Variants in IGFBP6 observed in about 807,000 individuals in gnomAD.
IGFBP6 encodes insulin like growth factor binding protein 6.
In IGFBP6, 24 loss-of-function variants were observed where a neutral mutation model predicts 24.5. The ratio of observed to expected loss-of-function variants is 0.98; its 90% CI spans 0.71 to 1.38. The LOEUF (loss-of-function observed/expected upper bound fraction) is 1.38. Among genes scored for constraint, IGFBP6 ranks in the 40% most tolerant of loss-of-function variants. The pLI, the probability that IGFBP6 is intolerant of heterozygous loss-of-function variation, is 0.00. For missense variants in IGFBP6, 331 were observed against 324.8 expected (o/e 1.02, Z -0.15); for synonymous variants, 147 against 137.4 (o/e 1.07, Z -0.49).
In IGFBP6 at chr12:53,101,146, T is replaced by C; in HGVS notation, c.586T>C (p.Tyr196His). The C allele has an allele frequency of 6.2e-7, 1 of 1,614,126 alleles. No individual in the cohort carries two copies. Among genetic ancestry groups the C allele is most frequent in the Non-Finnish European group, 8.5e-7 (1 of 1,179,932 alleles). The change falls in exon 3 of 4, where the codon TAC becomes CAC. Residue 196 changes from tyrosine to histidine, a missense_variant. By Grantham distance (83) the Tyr-to-His change is moderately conservative. Transcript: ENST00000301464. ...YVPNCDHRGF[Y>H]RKRQCRSSQG... ...GCCCAATTGTGACCATCGAGGCTTC[T>C]ACCGGAAGCGGCAGGTGAGACTATT... is the stretch of plus-strand genomic sequence containing the variant.
At chr12:53,098,110 T>TCCTGGGGAGACGGGAGTGGGTGG in intron 1 of IGFBP6, 59 bp downstream of exon 1, 1 of 1,376,208 alleles carries the variant, frequency 7.3e-7, no homozygotes, top group East Asian at 3.0e-5. Flanking sequence ...CCAGGCAGGG[T>TCCTGGGGAGACGGGAGTGGGTGG]CCTGGGGAGA....
intron 1 of IGFBP6, chr12:53,099,150 A>C (rs986035537): frequency 1.6e-5 from 5 of 316,190 alleles, no homozygotes; most frequent in African/African-American, 1.1e-4. Flanking sequence ...ACAGAGGAAG[A>C]GGATCCCTTC....
In IGFBP6 at chr12:53,097,757, C is replaced by T. The variant is rs925102041; in HGVS notation, c.40C>T (p.Leu14=). 5.8e-6 allele frequency: 9 copies of T among 1,545,564 alleles called. No homozygotes were observed. Among genetic ancestry groups the T allele is most frequent in the Non-Finnish European group, 2.6e-6 (3 of 1,146,364 alleles). The change falls in exon 1 of 4, where the codon CTA becomes TTA. Residue 14 remains leucine, a synonymous_variant. Coordinates refer to ENST00000301464, the MANE Select transcript of IGFBP6 (RefSeq NM_002178.3). ...HRLLPPLLLL[L]ALLLAASPGG... is the part of the protein sequence containing the mutation. ...GCTGCTGCCACCGCTGCTGCTGCTG[C>T]TAGCTCTGCTGCTCGCTGCCAGCCC...
intron 1 of IGFBP6, among the ~76,000 whole-genome samples, chr12:53,100,278 G>A (rs1937806178): frequency 2.0e-5 from 3 of 152,158 alleles, no homozygotes; most frequent in African/African-American, 7.2e-5. Context: ...TCCTGCCTCA[G>A]CCTCTCAAGT....
intron 1 of IGFBP6, 44 bp downstream of exon 1, chr12:53,098,095 G>A: frequency 7.2e-7 from 1 of 1,392,514 alleles, no homozygotes; most frequent in Non-Finnish European, 9.2e-7. Flanking sequence ...TGAGACCCGC[G>A]TCCTCCAGGC....
At chr12:53,098,575 G>A (rs2121233634) in intron 1 of IGFBP6, among the ~76,000 whole-genome samples, 1 of 152,322 alleles carries the variant, frequency 6.6e-6, no homozygotes, top group Admixed American at 6.5e-5. Flanking sequence ...GAACCGAAGA[G>A]GCCCCAAATC....
Position 53,100,801 on chromosome 12 carries a change from G to A in IGFBP6, c.424G>A (p.Gly142Ser), listed in dbSNP as rs748155787. Reference protein sequence around the residue: ...VNRRDQQRNPGTSTTPSQPNS... With the variant: ...VNRRDQQRNPSTSTTPSQPNS... The stretch of plus-strand genomic sequence containing the variant: ...CCGCAGAGACCAACAGAGGAATCCA[G>A]GCACCTCTACCACGCCCTCCCAGCC... Residue 142 changes from glycine (G) to serine (S), a missense_variant, in exon 2 of 4, where the codon GGC becomes AGC. Transcript: ENST00000301464. The A allele has an allele frequency of 6.2e-7, 1 of 1,614,206 alleles. No homozygotes were observed. Among genetic ancestry groups the A allele is most frequent in the Non-Finnish European group, 8.5e-7 (1 of 1,180,050 alleles).
At chr12:53,101,285 G>A in intron 3 of IGFBP6, 125 bp downstream of exon 3, 3 of 903,094 alleles carry the variant, frequency 3.3e-6, no homozygotes, top group Non-Finnish European at 5.1e-6. Context: ...CCAACTTTAG[G>A]AGAACATAGA....
Position 53,102,241 on chromosome 12 carries a change from C to G in IGFBP6, c.*74C>G. ...GTCATCACTCAACAAAAAACCGAGG[C>G]CCTCAATCCACCTTCAGGCCCCGCC... is the stretch of plus-strand genomic sequence containing the variant. On this transcript the variant is annotated 3_prime_UTR_variant, in exon 4 of 4. Transcript: ENST00000301464. The G allele has an allele frequency of 6.4e-7, 1 of 1,560,082 alleles. No individual in the cohort carries two copies. The highest frequency in any genetic ancestry group is 2.3e-5 in the East Asian group (1 of 43,920).
chr12:53,098,151 C>T, intron 1 of IGFBP6, 100 bp downstream of exon 1: 2 of 1,304,064 alleles, frequency 1.5e-6, no homozygotes, highest in South Asian at 3.6e-5. Context: ...AGCCTTTCCG[C>T]CCTGGCCCTT....
chr12:53,101,900 A>G, intron 3 of IGFBP6, 145 bp from the exon 4 acceptor site: 1 of 250,174 alleles, frequency 4.0e-6, no homozygotes, highest in Non-Finnish European at 6.8e-6. Context: ...CTCCATCTCA[A>G]AAAAAAAAAA....
Position 53,101,994 on chromosome 12 carries a change from C to T in IGFBP6, c.601-51C>T, listed in dbSNP as rs765277442. On this transcript the variant is annotated intron_variant, in intron 3 of 3. Coordinates refer to ENST00000301464, the MANE Select transcript of IGFBP6 (RefSeq NM_002178.3). The stretch of plus-strand genomic sequence containing the variant: ...AGACTCAGATGTCCCCTCTCATTCT[C>T]CTGCTGGAAGCCTCTGGCCTCACTC... 3.2e-6 allele frequency: 5 copies of T among 1,573,778 alleles called. No individual in the cohort carries two copies. In the South Asian group the frequency reaches 4.6e-5, roughly 14 times the overall value.
At chr12:53,099,632 G>A (rs1438019920) in intron 1 of IGFBP6, among the ~76,000 whole-genome samples, 1 of 152,118 alleles carries the variant, frequency 6.6e-6, no homozygotes, top group East Asian at 1.9e-4. Flanking sequence ...CTGGCCTCTG[G>A]TGGAACAGCC....
chr12:53,100,745 A>G lies in IGFBP6; in HGVS notation c.368A>G (p.Gln123Arg). 6.2e-7 allele frequency: 1 copy of G among 1,614,134 alleles called. No homozygotes were observed. Among genetic ancestry groups the G allele is most frequent in the Non-Finnish European group, 8.5e-7 (1 of 1,180,028 alleles). The change falls in exon 2 of 4, where the codon CAA becomes CGA. Residue 123 changes from glutamine (Q) to arginine (R), a missense_variant. Transcript: ENST00000301464. The stretch of plus-strand genomic sequence containing the variant: ...GAGAATCCTAAGGAGAGTAAACCCC[A>G]AGCAGGCACTGCCCGCCCACAGGAT... ...AEENPKESKP[Q>R]AGTARPQDVN...
intron 3 of IGFBP6, 63 bp from the exon 4 acceptor site, chr12:53,101,982 C>T: frequency 2.6e-6 from 4 of 1,529,582 alleles, no homozygotes; most frequent in Middle Eastern, 2.3e-4. Flanking sequence ...CTCAGATGTC[C>T]CCTCTCATTC....
rs1444923867 is a variant in IGFBP6 at position 53,101,296 on chromosome 12, G to T, written c.600+136G>T. On this transcript the variant is annotated intron_variant, in intron 3 of 3. Coordinates refer to ENST00000301464, the MANE Select transcript of IGFBP6 (RefSeq NM_002178.3). ...TCTTCCAACTTTAGGAGAACATAGA[G>T]AATATAATTTATTAAACAAACTTAG... is the stretch of plus-strand genomic sequence containing the variant. 4 of 889,392 alleles carry T rather than the reference G, an allele frequency of 4.5e-6. No homozygotes were observed. The East Asian group carries it at 1.0e-4, about 23-fold the overall frequency. 55.1% of individuals were successfully genotyped at this position (889,392 alleles called of 1,614,324 possible).
chr12:53,099,291 G>A, intron 1 of IGFBP6: 2 of 455,732 alleles, frequency 4.4e-6, no homozygotes, highest in Middle Eastern at 3.3e-4. Context: ...CGGACCCTCC[G>A]GAAACTTTCT....
chr12:53,099,859 T>A (rs940470075), intron 1 of IGFBP6, among the ~76,000 whole-genome samples: 4 of 151,924 alleles, frequency 2.6e-5, no homozygotes, highest in Non-Finnish European at 4.4e-5. Context: ...TAATTAATTT[T>A]AAAAAGTATT....
intron 3 of IGFBP6, among the ~76,000 whole-genome samples, chr12:53,101,744 C>T (rs139437328): frequency 1.4e-4 from 22 of 151,838 alleles, no homozygotes; most frequent in African/African-American, 5.3e-4. Context: ...TTAAAAATTA[C>T]AAAAATTAGC....
Sources: gnomAD v4.1 joint callset for allele counts (sites outside exome capture counted in the v4.1 genomes callset) on GRCh38, gnomAD v4.1.1 for gene constraint, MANE v1.5 for transcripts, NCBI Gene and HGNC (gene_info 2026-07-23, HGNC 2026-07-21) for gene names.